The following TDRD3 variants were observed in gnomAD, a reference collection of about 807,000 sequenced individuals.
TDRD3 encodes the protein tudor domain-containing protein 3.
In TDRD3, 45 loss-of-function variants were observed where a neutral mutation model predicts 86.7. That is an observed-to-expected ratio of 0.52 (90% CI 0.41 to 0.67). The LOEUF (loss-of-function observed/expected upper bound fraction) is 0.67. Ranked by LOEUF, TDRD3 falls within the 30% of genes least tolerant of loss-of-function variation. The pLI is 0.00. For missense variants in TDRD3, 814 were observed against 889.0 expected (o/e 0.92, Z 1.07); for synonymous variants, 298 against 301.7 (o/e 0.99, Z 0.13).
At chr13:60,550,116 G>C (rs1595105249) in intron 12 of TDRD3, among the ~76,000 whole-genome samples, 1 of 152,132 alleles carries the variant, frequency 6.6e-6, no homozygotes, top group Non-Finnish European at 1.5e-5. Context: ...AGAGTAGAGA[G>C]AGCTTAGAAA....
At chr13:60,524,191 G>C (rs1333851560) in intron 10 of TDRD3, among the ~76,000 whole-genome samples, 7 of 151,940 alleles carry the variant, frequency 4.6e-5, no homozygotes, top group African/African-American at 1.7e-4. Context: ...CAGTTGATTT[G>C]GGATATATTT....
intron 12 of TDRD3, among the ~76,000 whole-genome samples, chr13:60,552,432 C>A (rs1401005148): frequency 6.6e-6 from 1 of 152,248 alleles, no homozygotes; most frequent in Non-Finnish European, 1.5e-5. Flanking sequence ...TTGAGCAGCT[C>A]TGCCCCTGTG....
chr13:60,513,975 G>A (rs976762969), intron 10 of TDRD3, among the ~76,000 whole-genome samples: 12 of 152,178 alleles, frequency 7.9e-5, no homozygotes, highest in Non-Finnish European at 1.5e-4. Flanking sequence ...TTGGGAACTG[G>A]GTAACAGGCA....
chr13:60,512,435 A>G (rs190926610), intron 10 of TDRD3, among the ~76,000 whole-genome samples: 36 of 152,310 alleles, frequency 2.4e-4, no homozygotes, highest in Middle Eastern at 6.8e-3. Flanking sequence ...TGCCTTCGCA[A>G]CAGTCCGCCA....
chr13:60,480,660 A>G (rs1956289409), intron 5 of TDRD3, among the ~76,000 whole-genome samples: 1 of 151,816 alleles, frequency 6.6e-6, no homozygotes, highest in African/African-American at 2.4e-5. Flanking sequence ...ATAACCCCAT[A>G]TTTCTTAGAG....
At chr13:60,442,796 A>T (rs1374399739) in intron 2 of TDRD3, among the ~76,000 whole-genome samples, 2 of 152,002 alleles carry the variant, frequency 1.3e-5, no homozygotes, top group African/African-American at 4.8e-5. Context: ...GAGTAAATTA[A>T]CTGGGTTTAG....
At chr13:60,480,723 AG>A (rs1209818057) in intron 5 of TDRD3, among the ~76,000 whole-genome samples, 1 of 151,984 alleles carries the variant, frequency 6.6e-6, no homozygotes, top group African/African-American at 2.4e-5. Context: ...GTGTTTTCAC[AG>A]GGGAATGCCA....
At position 60,500,036 on chromosome 13, in the gene TDRD3, C is replaced by T. The variant is rs144008118; in HGVS notation, c.858+5461C>T. 5.8e-4 allele frequency among the ~76,000 whole-genome samples: 88 copies of T among 152,294 alleles called. 1 individual carries two copies. In the East Asian group the frequency reaches 0.013, roughly 23 times the overall value. On this transcript the variant is annotated intron_variant, in intron 8 of 13. Transcript: ENST00000377881. ...GGCACAGATGCTAGTTGGAGCCTTT[C>T]GCAGGCCGCCATAGGTGAATCACAG...
chr13:60,528,367 A>G lies in TDRD3; in HGVS notation c.1142A>G (p.Glu381Gly). ...ESKMGTLNVE[E>G]PKSQPQQLHQ... ...CATATGGTATACTTTTACCTTTCAG[A>G]ACCTAAATCACAGCCACAGCAGCTT... The change falls in exon 11 of 14, where the codon GAA becomes GGA. Residue 381 changes from glutamate to glycine, a missense_variant and splice_region_variant. Glu to Gly is a moderately conservative substitution (Grantham distance 98, BLOSUM62 -2). Coordinates refer to ENST00000377881, the MANE Select transcript of TDRD3 (RefSeq NM_001146070.2). The G allele has an allele frequency of 6.3e-7, 1 of 1,594,164 alleles. No individual in the cohort carries two copies. The highest frequency in any genetic ancestry group is 8.5e-7 in the Non-Finnish European group (1 of 1,170,514).
Position 60,397,399 on chromosome 13 carries a change from C to T in TDRD3, c.35C>T (p.Ala12Val), listed in dbSNP as rs1456633012. The change falls in exon 1 of 14, where the codon GCG becomes GTG. Residue 12 changes from alanine (A) to valine (V), a missense_variant. Coordinates refer to ENST00000377881, the MANE Select transcript of TDRD3 (RefSeq NM_001146070.2). ...AQVAGAALSQ[A>V]GWYLSDEGIE... ...GTGGCCGGCGCGGCGTTGTCCCAGG[C>T]GGGTTGGTAAGTGGCGAGTCCCGCC... 6.7e-7 allele frequency: 1 copy of T among 1,499,254 alleles called. No individual in the cohort carries two copies. The highest frequency in any genetic ancestry group is 1.4e-5 in the African/African-American group (1 of 70,136). The allele number at this position is 1,499,254 out of a possible 1,614,324, so 92.9% of individuals were successfully genotyped here.
intron 7 of TDRD3, among the ~76,000 whole-genome samples, chr13:60,488,266 G>T (rs1293091543): frequency 6.6e-6 from 1 of 152,198 alleles, no homozygotes; most frequent in African/African-American, 2.4e-5. Flanking sequence ...TGAATGAGGG[G>T]TGTGGCATCT....
intron 12 of TDRD3, among the ~76,000 whole-genome samples, chr13:60,557,847 CAG>C (rs796288663): frequency 4.2e-4 from 18 of 43,090 alleles, no homozygotes; most frequent in African/African-American, 1.1e-3. Context: ...TTTTTTGAGA[CAG>C]AGTCTCGCTC....
intron 10 of TDRD3, among the ~76,000 whole-genome samples, chr13:60,523,573 C>CTTTTTTTTTTTTT (rs67692021): frequency 1.9e-5 from 2 of 105,054 alleles, no homozygotes; most frequent in Non-Finnish European, 3.9e-5. Flanking sequence ...ATACATTTTT[C>CTTTTTTTTTTTTT]TTTTTTTTTT....
chr13:60,483,300 G>T (rs1956357560), intron 5 of TDRD3, among the ~76,000 whole-genome samples: 1 of 152,012 alleles, frequency 6.6e-6, no homozygotes, highest in Non-Finnish European at 1.5e-5. Context: ...ATAATTAAAA[G>T]AACCTCCATA....
chr13:60,429,192 C>T (rs1326295545), intron 1 of TDRD3, among the ~76,000 whole-genome samples: 1 of 151,906 alleles, frequency 6.6e-6, no homozygotes, highest in African/African-American at 2.4e-5. Flanking sequence ...AAATGGCTGC[C>T]CTTTTTAATT....
upstream of TDRD3, chr13:60,397,113 G>C (rs1327206813): frequency 5.4e-6 from 2 of 369,954 alleles, no homozygotes; most frequent in Non-Finnish European, 9.7e-6. Flanking sequence ...GGTGTTTGGT[G>C]GATCAGGTCC....
At chr13:60,435,918 G>GTTTTTTTTT (rs767705603) in intron 1 of TDRD3, among the ~76,000 whole-genome samples, 1 of 124,774 alleles carries the variant, frequency 8.0e-6, no homozygotes, top group East Asian at 2.0e-4. Flanking sequence ...AACATCTATG[G>GTTTTTTTTT]TTTTTTTTTT....
At chr13:60,396,358 T>A (rs1356433615), upstream of TDRD3, 3 of 152,248 alleles carry the variant, frequency 2.0e-5, no homozygotes, top group Admixed American at 6.5e-5. Context: ...CCCTTCCGCC[T>A]GTTCCTCTCT....
chr13:60,509,849 C>G lies in TDRD3; in HGVS notation c.945C>G (p.Asn315Lys). 6.2e-7 allele frequency: 1 copy of G among 1,613,876 alleles called. No homozygotes were observed. The highest frequency in any genetic ancestry group is 2.2e-5 in the East Asian group (1 of 44,864). ...SRQALMDNGN[N>K]LEAALNVLLT... The stretch of plus-strand genomic sequence containing the variant: ...AAGCTCTTATGGATAATGGCAACAA[C>G]TTAGAAGCAGCACTGAACGTACTTC... Residue 315 changes from asparagine (N) to lysine (K), a missense_variant, in exon 9 of 14, where the codon AAC becomes AAG. Physicochemically the swap from Asn to Lys is moderately conservative, Grantham distance 94 (BLOSUM62 0). Coordinates refer to ENST00000377881, the MANE Select transcript of TDRD3 (RefSeq NM_001146070.2).
Sources: allele counts gnomAD v4.1 joint callset (sites outside exome capture counted in the v4.1 genomes callset), GRCh38; gene constraint gnomAD v4.1.1; transcripts MANE v1.5; gene names NCBI Gene and HGNC (gene_info 2026-07-23, HGNC 2026-07-21).